Variants in COG5 observed in about 807,000 individuals in gnomAD.
COG5 encodes conserved oligomeric Golgi complex subunit 5.
Under a neutral mutation model 110.4 loss-of-function variants are expected in COG5, and 86 were observed. That is an observed-to-expected ratio of 0.78 (90% CI 0.65 to 0.93). The LOEUF is 0.93. COG5 is among the 40% of genes least tolerant of loss of function. The pLI is 0.00. For synonymous variants in COG5, 360 were observed against 334.6 expected, an observed-to-expected ratio of 1.08 and a Z score of -0.83; for missense variants, 1,077 against 987.0, an observed-to-expected ratio of 1.09 and a Z score of -1.22.
At chr7:107,457,230 AAC>A (rs1476947851) in intron 6 of COG5, among the ~76,000 whole-genome samples, 2 of 152,066 alleles carry the variant, frequency 1.3e-5, no homozygotes, top group Non-Finnish European at 2.9e-5. Flanking sequence ...CAGGCTGAAA[AAC>A]ACAATATTTG....
chr7:107,464,654 CCTATTTATAAG>C (rs1796192182), intron 6 of COG5, among the ~76,000 whole-genome samples: 1 of 152,144 alleles, frequency 6.6e-6, no homozygotes, highest in South Asian at 2.1e-4. Context: ...GGGATTCTAC[CCTATTTATAAG>C]CTGTGAAGCT....
At chr7:107,516,005 T>C (rs1462964348) in intron 6 of COG5, among the ~76,000 whole-genome samples, 1 of 152,208 alleles carries the variant, frequency 6.6e-6, no homozygotes, top group African/African-American at 2.4e-5. Flanking sequence ...GTAATGCCTA[T>C]CTAAATTTTC....
chr7:107,353,164 G>C (rs777276573), intron 10 of COG5, among the ~76,000 whole-genome samples: 1 of 152,050 alleles, frequency 6.6e-6, no homozygotes, highest in Non-Finnish European at 1.5e-5. Flanking sequence ...GGTGGTTCAC[G>C]CCTGTAATCC....
chr7:107,424,483 C>T (rs958131509), intron 6 of COG5, among the ~76,000 whole-genome samples: 1 of 148,704 alleles, frequency 6.7e-6, no homozygotes, highest in Non-Finnish European at 1.5e-5. Context: ...AGGTTATTGA[C>T]ACCAATTATA....
In COG5 at chr7:107,321,160, T is replaced by G. The variant is rs1275871615; in HGVS notation, c.1108+3280A>C. Reference sequence around the variant, plus strand: ...AAAGTCAAAATACAAGTATCAATTGTATTTCTCTATTTTAAAAATCAACAA... The same window carrying G: ...AAAGTCAAAATACAAGTATCAATTGGATTTCTCTATTTTAAAAATCAACAA... On this transcript the variant is annotated intron_variant, in intron 11 of 21. Transcript: ENST00000297135. Among the ~76,000 whole-genome samples, 7 of 152,212 alleles carry G rather than the reference T, an allele frequency of 4.6e-5. No homozygotes were observed. In the East Asian group the frequency reaches 1.3e-3, roughly 29 times the overall value.
intron 12 of COG5, among the ~76,000 whole-genome samples, chr7:107,287,269 A>T (rs1241978320): frequency 6.6e-6 from 1 of 152,174 alleles, no homozygotes; most frequent in Non-Finnish European, 1.5e-5. Flanking sequence ...CTTGTGAGAT[A>T]GTGTGTCAGG....
intron 6 of COG5, among the ~76,000 whole-genome samples, chr7:107,492,414 A>G (rs1798029756): frequency 6.6e-6 from 1 of 152,134 alleles, no homozygotes; most frequent in Non-Finnish European, 1.5e-5. Flanking sequence ...CTCTGAAGGT[A>G]AAGTCCAAAA....
chr7:107,471,843 T>C (rs1254080505), intron 6 of COG5: 1 of 152,010 alleles, frequency 6.6e-6, no homozygotes, highest in African/African-American at 2.4e-5. Context: ...ACCAATTATG[T>C]ATCCTCTTCT....
intron 12 of COG5, among the ~76,000 whole-genome samples, chr7:107,295,038 T>TACAC (rs1249923848): frequency 0.042 from 2,231 of 53,066 alleles, 108 homozygotes; most frequent in Non-Finnish European, 0.059. Flanking sequence ...CACACACATA[T>TACAC]ACACACACAC....
intron 6 of COG5, among the ~76,000 whole-genome samples, chr7:107,461,881 A>C (rs1386640980): frequency 6.6e-6 from 1 of 152,238 alleles, no homozygotes; most frequent in East Asian, 1.9e-4. Flanking sequence ...ACCAAGAGAA[A>C]TTAAAGCAAC....
chr7:107,357,225 CCATT>C (rs1334678799), intron 10 of COG5, among the ~76,000 whole-genome samples: 1 of 152,076 alleles, frequency 6.6e-6, no homozygotes, highest in Non-Finnish European at 1.5e-5. Flanking sequence ...AAGAAAAAGA[CCATT>C]CAAAGAAATT....
chr7:107,529,507 T>C (rs946974693), intron 5 of COG5, among the ~76,000 whole-genome samples: 2 of 152,166 alleles, frequency 1.3e-5, no homozygotes, highest in African/African-American at 4.8e-5. Flanking sequence ...GCACTCCACC[T>C]GAAAAAGGAA....
chr7:107,333,351 T>C (rs1810434618), intron 10 of COG5, among the ~76,000 whole-genome samples: 2 of 152,058 alleles, frequency 1.3e-5, no homozygotes, highest in South Asian at 4.1e-4. Flanking sequence ...GGAAATTAAA[T>C]AGGAACTTCA....
intron 6 of COG5, among the ~76,000 whole-genome samples, chr7:107,447,387 G>A (rs1039237508): frequency 1.3e-5 from 2 of 152,088 alleles, no homozygotes; most frequent in African/African-American, 4.8e-5. Context: ...GGGGTTTTAG[G>A]AAATAGGACA....
intron 6 of COG5, among the ~76,000 whole-genome samples, chr7:107,504,643 T>G (rs571953281): frequency 6.6e-6 from 1 of 152,192 alleles, no homozygotes; most frequent in African/African-American, 2.4e-5. Context: ...TTTTCTTTGT[T>G]GGCAATTTTT....
chr7:107,399,125 C>G (rs754300973), intron 7 of COG5, among the ~76,000 whole-genome samples: 67 of 152,156 alleles, frequency 4.4e-4, no homozygotes, highest in Admixed American at 7.9e-4. Flanking sequence ...TTGCTTGATT[C>G]CAGGAGATGG....
At chr7:107,316,897 TACAC>T (rs1391319479) in intron 11 of COG5, among the ~76,000 whole-genome samples, 1 of 151,956 alleles carries the variant, frequency 6.6e-6, no homozygotes, top group African/African-American at 2.4e-5. Context: ...TAAATAAACG[TACAC>T]ACACACTCCC....
At chr7:107,377,498 T>C (rs1018635613) in intron 7 of COG5, among the ~76,000 whole-genome samples, 2 of 152,216 alleles carry the variant, frequency 1.3e-5, no homozygotes, top group African/African-American at 4.8e-5. Context: ...ATCAATTTAA[T>C]TTGTTAATCT....
Position 107,228,261 on chromosome 7 carries a change from C to T in COG5, c.2168+2354G>A, listed in dbSNP as rs917731127. ...GGTTGCAGTAAGCTGAGATGGAGAT[C>T]GCACCACTGCACTCTAACCTGGGTG... On this transcript the variant is annotated intron_variant, in intron 19 of 21. Transcript: ENST00000297135. Among the ~76,000 whole-genome samples the T allele has an allele frequency of 3.4e-5, 5 of 148,648 alleles. No homozygotes were observed. The East Asian group carries it at 6.0e-4, about 18-fold the overall frequency.
Sources: allele counts gnomAD v4.1 joint callset (sites outside exome capture counted in the v4.1 genomes callset), GRCh38; gene constraint gnomAD v4.1.1; transcripts MANE v1.5; gene names NCBI Gene and HGNC (gene_info 2026-07-23, HGNC 2026-07-21).